NRCAM: variants seen among roughly 807,000 people sequenced by gnomAD.
NRCAM encodes neuronal cell adhesion molecule.
In NRCAM, 83 loss-of-function variants were observed where a neutral mutation model predicts 156.5. That is an observed-to-expected ratio of 0.53 (90% confidence interval 0.44 to 0.64). The LOEUF (loss-of-function observed/expected upper bound fraction) is 0.64, where lower values mean the gene tolerates loss of function less well. NRCAM is among the 30% of genes least tolerant of loss of function. NRCAM has a pLI of 0.00. For synonymous variants in NRCAM, 538 were observed against 563.9 expected (o/e 0.95, Z 0.65); for missense variants, 1,417 against 1,597.3 (o/e 0.89, Z 1.92).
intron 28 of NRCAM, 128 bp from the exon 29 acceptor site, chr7:108,168,530 G>T: frequency 3.7e-6 from 3 of 806,090 alleles, no homozygotes; most frequent in South Asian, 4.2e-5. Context: ...TAAAATTTAG[G>T]GTTCACTCAT....
At chr7:108,370,034 C>T (rs908816429) in intron 2 of NRCAM, among the ~76,000 whole-genome samples, 3 of 152,114 alleles carry the variant, frequency 2.0e-5, no homozygotes, top group Admixed American at 6.6e-5. Flanking sequence ...TGAAAATATT[C>T]GGTAATAGAA....
intron 32 of NRCAM, among the ~76,000 whole-genome samples, chr7:108,155,015 T>C (rs757403687): frequency 2.0e-5 from 3 of 147,428 alleles, no homozygotes; most frequent in African/African-American, 7.8e-5. Context: ...AGTTGCCATG[T>C]CAAGTTTAAA....
At chr7:108,374,832 A>T (rs2099665817) in intron 2 of NRCAM, among the ~76,000 whole-genome samples, 1 of 152,154 alleles carries the variant, frequency 6.6e-6, no homozygotes, top group South Asian at 2.1e-4. Flanking sequence ...GAGCTCAAAG[A>T]AAGTATGGGT....
chr7:108,418,848 T>C (rs1015068224), intron 1 of NRCAM, among the ~76,000 whole-genome samples: 21 of 152,178 alleles, frequency 1.4e-4, no homozygotes, highest in African/African-American at 4.3e-4. Flanking sequence ...CTTTTGAATA[T>C]GACACAAGTA....
At chr7:108,351,025 G>C (rs2154293388) in intron 2 of NRCAM, among the ~76,000 whole-genome samples, 1 of 152,300 alleles carries the variant, frequency 6.6e-6, no homozygotes, top group South Asian at 2.1e-4. Context: ...ATTGAATGTG[G>C]AATTGAGGGG....
At chr7:108,162,628 A>G (rs1484538360) in intron 30 of NRCAM, among the ~76,000 whole-genome samples, 2 of 152,250 alleles carry the variant, frequency 1.3e-5, no homozygotes, top group Non-Finnish European at 2.9e-5. Context: ...CTATGCAACC[A>G]TGGAAAAACT....
At chr7:108,378,453 G>A (rs1254304112) in intron 2 of NRCAM, among the ~76,000 whole-genome samples, 2 of 151,982 alleles carry the variant, frequency 1.3e-5, no homozygotes, top group African/African-American at 4.8e-5. Context: ...ATTTAAAAAG[G>A]TTGAGAATCA....
intron 2 of NRCAM, among the ~76,000 whole-genome samples, chr7:108,380,846 T>C (rs1425361177): frequency 2.0e-5 from 3 of 152,158 alleles, no homozygotes; most frequent in East Asian, 3.9e-4. Flanking sequence ...CCTATCTCTC[T>C]AATAAATGCT....
intron 3 of NRCAM, among the ~76,000 whole-genome samples, chr7:108,275,953 C>T (rs1192193586): frequency 6.6e-6 from 1 of 152,128 alleles, no homozygotes; most frequent in Non-Finnish European, 1.5e-5. Context: ...TCGTTGGTTT[C>T]AAAGAACATC....
chr7:108,369,113 T>G (rs1292867445), intron 2 of NRCAM, among the ~76,000 whole-genome samples: 1 of 152,166 alleles, frequency 6.6e-6, no homozygotes, highest in Non-Finnish European at 1.5e-5. Flanking sequence ...ATACAGATGA[T>G]GCATTCAATA....
At chr7:108,374,179 A>T (rs572781632) in intron 2 of NRCAM, among the ~76,000 whole-genome samples, 33 of 152,170 alleles carry the variant, frequency 2.2e-4, no homozygotes, top group Non-Finnish European at 4.1e-4. Context: ...AGTCTTAATG[A>T]CTAGTAACTA....
intron 3 of NRCAM, among the ~76,000 whole-genome samples, chr7:108,297,913 G>C (rs965738865): frequency 2.6e-4 from 39 of 152,102 alleles, no homozygotes; most frequent in African/African-American, 9.4e-4. Context: ...CGAGCTATGG[G>C]GATATGTGCA....
In NRCAM at chr7:108,423,205, A is replaced by G. The variant is rs146081716; in HGVS notation, c.-331-23612T>C. 3.5e-4 allele frequency among the ~76,000 whole-genome samples: 54 copies of G among 152,240 alleles called. No homozygotes were observed. In the East Asian group the frequency reaches 8.9e-3, roughly 25 times the overall value. On this transcript the variant is annotated intron_variant, in intron 1 of 32. Transcript: ENST00000379028. ...TATGGAATAATGAAATATGTACATA[A>G]TACAAAGATCAGAGGTAGCTGAGGG...
intron 2 of NRCAM, among the ~76,000 whole-genome samples, chr7:108,359,716 A>G (rs569459111): frequency 6.6e-6 from 1 of 152,316 alleles, no homozygotes; most frequent in East Asian, 1.9e-4. Context: ...CCTAAAAAAA[A>G]TGGAGGTATA....
chr7:108,455,507 G>A (rs1856016218), intron 1 of NRCAM, among the ~76,000 whole-genome samples: 1 of 152,150 alleles, frequency 6.6e-6, no homozygotes, highest in Admixed American at 6.5e-5. Context: ...CTCGGAGGCA[G>A]GGCGGGGCGC....
intron 3 of NRCAM, among the ~76,000 whole-genome samples, chr7:108,263,019 G>A (rs907289803): frequency 5.3e-5 from 8 of 152,192 alleles, no homozygotes; most frequent in Admixed American, 6.5e-5. Flanking sequence ...CTTGACTTGG[G>A]GGAATGCATA....
At chr7:108,175,063 A>C (rs2059958901) in intron 28 of NRCAM, among the ~76,000 whole-genome samples, 1 of 152,218 alleles carries the variant, frequency 6.6e-6, no homozygotes, top group Non-Finnish European at 1.5e-5. Context: ...GATCCAGCCA[A>C]AATCATAGTA....
chr7:108,277,997 G>A lies in NRCAM; in HGVS notation c.-107+34668C>T, dbSNP rs944499861. Among the ~76,000 whole-genome samples the A allele has an allele frequency of 4.6e-5, 7 of 152,142 alleles. No individual in the cohort carries two copies. The East Asian group carries it at 5.8e-4, about 13-fold the overall frequency. ...AGTTTTCCCTCTAACAGGCCCCTCC[G>A]CTGCAGGTCTGCTGGAGTTTGCTGG... On this transcript the variant is annotated intron_variant, in intron 3 of 32. Transcript: ENST00000379028.
intron 32 of NRCAM, chr7:108,150,689 C>T (rs764118993): frequency 1.9e-6 from 1 of 532,338 alleles, no homozygotes; most frequent in Non-Finnish European, 3.9e-6. Flanking sequence ...TAAACTTCAA[C>T]CTTACCTTTC....
Sources: allele counts gnomAD v4.1 joint callset (sites outside exome capture counted in the v4.1 genomes callset), GRCh38; gene constraint gnomAD v4.1.1; transcripts MANE v1.5; gene names NCBI Gene and HGNC (gene_info 2026-07-23, HGNC 2026-07-21).